Variants in ARHGAP30 observed in about 807,000 individuals in gnomAD.
ARHGAP30 encodes the protein rho GTPase-activating protein 30.
Under a neutral mutation model 72.0 loss-of-function variants are expected in ARHGAP30, and 23 were observed. The observed-to-expected ratio is 0.32, with a 90% confidence interval of 0.23 to 0.45. ARHGAP30 has a LOEUF of 0.45. Ranked by LOEUF, ARHGAP30 falls within the 20% of genes least tolerant of loss-of-function variation. The pLI is 1.00. For missense variants in ARHGAP30, 1,319 were observed against 1,383.4 expected (o/e 0.95, Z 0.74); for synonymous variants, 576 against 528.2 (o/e 1.09, Z -1.24).
intron 3 of ARHGAP30, 98 bp from the exon 4 acceptor site, chr1:161,054,803 C>CAGAGTCCAGTGCACAT: frequency 5.7e-6 from 6 of 1,056,262 alleles, no homozygotes; most frequent in Non-Finnish European, 8.8e-6. Flanking sequence ...ACAATGTGCA[C>CAGAGTCCAGTGCACAT]TGGACTCTGT....
chr1:161,060,182 G>A (rs1652209194), intron 1 of ARHGAP30: 1 of 450,474 alleles, frequency 2.2e-6, no homozygotes, highest in African/African-American at 2.0e-5. Context: ...TCAGGAGGCT[G>A]ATATGGGAGG....
chr1:161,055,804 T>TAAAATAATAAAATAA (rs1553217874), intron 3 of ARHGAP30, among the ~76,000 whole-genome samples: 74 of 44,938 alleles, frequency 1.6e-3, no homozygotes, highest in South Asian at 4.0e-3. Flanking sequence ...TAAAATAAAA[T>TAAAATAATAAAATAA]AATAAAATAA....
rs200017624 is a variant in ARHGAP30 at position 161,047,833 on chromosome 1, C to T, written c.3188G>A (p.Arg1063Gln). ...PSEGAEGSGS[R>Q]SRLSLPPREP... ...TCTGGGGGGCAGACTAAGACGACTCCGGGATCCAGACCCTTCTGCACCTTC... is the reference window on the plus strand; with the variant it reads ...TCTGGGGGGCAGACTAAGACGACTCTGGGATCCAGACCCTTCTGCACCTTC... The change falls in exon 12 of 12, where the codon CGG becomes CAG. Residue 1063 changes from arginine to glutamine, a missense_variant. Arg to Gln is a conservative substitution (Grantham distance 43). Around this residue, in one of 2 missense-constraint regions of ARHGAP30, gnomAD observed 1,097 missense variants for 1,045.2 expected, o/e 1.05. Transcript: ENST00000368013. The T allele has an allele frequency of 3.5e-5, 57 of 1,610,778 alleles. No individual in the cohort carries two copies. Among genetic ancestry groups the T allele is most frequent in the East Asian group, 6.7e-5 (3 of 44,872 alleles).
chr1:161,056,257 G>T, intron 3 of ARHGAP30, 131 bp downstream of exon 3: 1 of 1,296,384 alleles, frequency 7.7e-7, no homozygotes, highest in Non-Finnish European at 1.0e-6. Flanking sequence ...TCTTTTCCCC[G>T]GTAAGTTTTT....
chr1:161,049,048 C>T lies in ARHGAP30; in HGVS notation c.1973G>A (p.Gly658Glu). The change falls in exon 12 of 12, where the codon GGG becomes GAG. Residue 658 changes from glycine to glutamate, a missense_variant. Gly to Glu is a moderately conservative substitution (Grantham distance 98). Transcript: ENST00000368013. ...TCCAGGCTCAGCCTGCTTGTCCTCC[C>T]CAACTTCCCAGCATGCCTGCTCTTC... Reference protein sequence around the residue: ...GGEEQACWEVGEDKQAEPGGR... With the variant: ...GGEEQACWEVEEDKQAEPGGR... The T allele has an allele frequency of 1.9e-6, 3 of 1,614,156 alleles. No homozygotes were observed. Among genetic ancestry groups the T allele is most frequent in the Non-Finnish European group, 2.5e-6 (3 of 1,180,034 alleles).
At chr1:161,066,577 C>T (rs114288805) in intron 1 of ARHGAP30, among the ~76,000 whole-genome samples, 4,268 of 136,878 alleles carry the variant, frequency 0.031, 238 homozygotes, top group African/African-American at 0.11. Context: ...CCCTGGAGGT[C>T]GAGGTTGCAG....
chr1:161,064,849 GGAA>G (rs1557935598), intron 1 of ARHGAP30, among the ~76,000 whole-genome samples: 32 of 79,994 alleles, frequency 4.0e-4, no homozygotes, highest in African/African-American at 1.2e-3. Context: ...AAGAAAGAAA[GGAA>G]AGGAAGGAGA....
Position 161,047,842 on chromosome 1 carries a change from G to A in ARHGAP30, c.3179C>T (p.Ser1060Phe), listed in dbSNP as rs746596740. The change falls in exon 12 of 12, where the codon TCT (serine) becomes TTT (phenylalanine). Residue 1060 changes from serine (S) to phenylalanine (F), a missense_variant. By Grantham distance (155) the Ser-to-Phe change is radical. This residue lies in a region of ARHGAP30 where 1,097 missense variants were observed against 1,045.2 expected (regional missense o/e 1.05). Coordinates refer to ENST00000368013, the MANE Select transcript of ARHGAP30 (RefSeq NM_001025598.2). ...CAGACTAAGACGACTCCGGGATCCA[G>A]ACCCTTCTGCACCTTCAGATGGGAG... ...LELPSEGAEG[S>F]GSRSRLSLPP... is the part of the protein sequence containing the mutation. 3.7e-6 allele frequency: 6 copies of A among 1,611,660 alleles called. No homozygotes were observed. The highest frequency in any genetic ancestry group is 2.2e-5 in the South Asian group (2 of 90,738).
At chr1:161,062,767 C>A (rs1478823779) in intron 1 of ARHGAP30, among the ~76,000 whole-genome samples, 2 of 151,840 alleles carry the variant, frequency 1.3e-5, no homozygotes, top group Admixed American at 6.6e-5. Context: ...AACATAACCT[C>A]CAATTCCAAA....
Position 161,069,380 on chromosome 1 carries a change from C to A in ARHGAP30, c.97+148G>T. The A allele has an allele frequency of 1.4e-6, 1 of 740,130 alleles. No homozygotes were observed. The highest frequency in any genetic ancestry group is 2.2e-6 in the Non-Finnish European group (1 of 454,754). The allele number at this position is 740,130 out of a possible 1,614,324, so 45.8% of individuals were successfully genotyped here. On this transcript the variant is annotated intron_variant, in intron 1 of 11. Coordinates refer to ENST00000368013, the MANE Select transcript of ARHGAP30 (RefSeq NM_001025598.2). This position sits in a 1 kb window ranked among gnomAD's most constrained non-coding sequence, Gnocchi z 4.9. Reference sequence around the variant, plus strand: ...CACTGAGCCACATTTCCTGTCTTGCCCACTTACAGTTCTCTTGAATGGTGA... The same window carrying A: ...CACTGAGCCACATTTCCTGTCTTGCACACTTACAGTTCTCTTGAATGGTGA...
Position 161,053,360 on chromosome 1 carries a change from A to G in ARHGAP30, c.562T>C (p.Phe188Leu). The G allele has an allele frequency of 6.2e-7, 1 of 1,613,948 alleles. No homozygotes were observed. Among genetic ancestry groups the G allele is most frequent in the East Asian group, 2.2e-5 (1 of 44,864 alleles). The change falls in exon 6 of 12, where the codon TTC becomes CTC. Residue 188 changes from phenylalanine (F) to leucine (L), a missense_variant. Coordinates refer to ENST00000368013, the MANE Select transcript of ARHGAP30 (RefSeq NM_001025598.2). ...TCCATGAAGGCCGCTGTCCCATTGA[A>G]GCCTGAGGCCTCTATGTCCTTAGAC... ...LRSKDIEASG[F>L]NGTAAFMEVR...
At position 161,047,666 on chromosome 1, in the gene ARHGAP30, A is replaced by T; in HGVS notation, c.*49T>A. On this transcript the variant is annotated 3_prime_UTR_variant, in exon 12 of 12. Coordinates refer to ENST00000368013, the MANE Select transcript of ARHGAP30 (RefSeq NM_001025598.2). Reference sequence around the variant, plus strand: ...GGAGACAGCTAGTCAGGAACCCTGGAGATTCAAGACAACTTGCTGGTCCCC... The same window carrying T: ...GGAGACAGCTAGTCAGGAACCCTGGTGATTCAAGACAACTTGCTGGTCCCC... 1.3e-6 allele frequency: 2 copies of T among 1,488,386 alleles called. No individual in the cohort carries two copies. Among genetic ancestry groups the T allele is most frequent in the Non-Finnish European group, 1.8e-6 (2 of 1,117,510 alleles). The allele number at this position is 1,488,386 out of a possible 1,614,324, so 92.2% of individuals were successfully genotyped here. A position where few individuals can be genotyped will look rare whatever the true frequency, so the allele number is the denominator to read the frequency against.
chr1:161,049,753 C>A, intron 10 of ARHGAP30, 64 bp from the exon 11 acceptor site: 1 of 1,560,930 alleles, frequency 6.4e-7, no homozygotes. Flanking sequence ...CAGTGTGAGT[C>A]CTCCTAGCAT....
chr1:161,052,055 C>CACCACCACA (rs1557921173), intron 9 of ARHGAP30, among the ~76,000 whole-genome samples: 1 of 14,438 alleles, frequency 6.9e-5, no homozygotes, highest in Non-Finnish European at 1.8e-4. Context: ...CCACCACCAC[C>CACCACCACA]ACCACATACC....
At position 161,053,272 on chromosome 1, in the gene ARHGAP30, C is replaced by G. The variant is rs1234641702; in HGVS notation, c.650G>C (p.Gly217Ala). The change falls in exon 6 of 12, where the codon GGT becomes GCT. Residue 217 changes from glycine (G) to alanine (A), a missense_variant. Coordinates refer to ENST00000368013, the MANE Select transcript of ARHGAP30 (RefSeq NM_001025598.2). ...ILTHVDQLFG[G>A]AALSGGEVES... ...AGGACACTGACCAGAGAGGGCAGCA[C>G]CCCCAAAGAGCTGGTCCACGTGTGT... 4.3e-6 allele frequency: 7 copies of G among 1,613,790 alleles called. No individual in the cohort carries two copies. The African/African-American group carries it at 6.7e-5, about 15-fold the overall frequency.
rs755307019 is a variant in ARHGAP30 at position 161,052,826 on chromosome 1, A to G, written c.665-29T>C. 5.6e-6 allele frequency: 9 copies of G among 1,605,170 alleles called. No individual in the cohort carries two copies. In the African/African-American group the frequency reaches 1.2e-4, roughly 21 times the overall value. ...GGAAAAGAAAAGGAATTGGCCAGCC[A>G]GGAACAGAGCCAAGAGAGGGACCTC... On this transcript the variant is annotated intron_variant, in intron 6 of 11. Coordinates refer to ENST00000368013, the MANE Select transcript of ARHGAP30 (RefSeq NM_001025598.2).
chr1:161,054,339 C>T, intron 5 of ARHGAP30, 27 bp downstream of exon 5: 1 of 1,599,578 alleles, frequency 6.3e-7, no homozygotes, highest in Non-Finnish European at 8.5e-7. Flanking sequence ...CACAGGATCC[C>T]CATACACTGC....
intron 1 of ARHGAP30, among the ~76,000 whole-genome samples, chr1:161,064,152 G>A (rs1332225660): frequency 6.6e-6 from 1 of 152,154 alleles, no homozygotes; most frequent in Non-Finnish European, 1.5e-5. Flanking sequence ...ATAAAAACTT[G>A]CTGGTTTTTG....
At chr1:161,059,138 C>T (rs910321575) in intron 2 of ARHGAP30, among the ~76,000 whole-genome samples, 1 of 151,880 alleles carries the variant, frequency 6.6e-6, no homozygotes, top group Non-Finnish European at 1.5e-5. Flanking sequence ...GAGCAATTCT[C>T]CTGCCTCAGC....
Sources: gnomAD v4.1 joint callset for allele counts (sites outside exome capture counted in the v4.1 genomes callset) on GRCh38, gnomAD v4.1.1 for gene constraint, gnomAD v4.1.1 regional missense constraint, Gnocchi (gnomAD v3.1) non-coding constraint, MANE v1.5 for transcripts, NCBI Gene and HGNC (gene_info 2026-07-23, HGNC 2026-07-21) for gene names.